The following BTD variants were observed in gnomAD, a reference collection of about 807,000 sequenced individuals.
The protein encoded by BTD is biocytinase.
BTD carries 13 observed loss-of-function variants against 17.7 expected under a neutral mutation model. That is an observed-to-expected ratio of 0.74 (90% confidence interval 0.48 to 1.17). The LOEUF (loss-of-function observed/expected upper bound fraction) is 1.17. BTD is among the 50% of genes most tolerant of loss of function. BTD has a pLI of 0.00. For synonymous variants in BTD, 240 were observed against 245.2 expected (o/e 0.98, Z 0.20); for missense variants, 674 against 650.4 (o/e 1.04, Z -0.39).
chr3:15,674,012 C>T (rs1390634704), intron 3 of BTD, among the ~76,000 whole-genome samples: 3 of 150,774 alleles, frequency 2.0e-5, no homozygotes, highest in East Asian at 1.9e-4. Flanking sequence ...TCTGTCAGCA[C>T]AAAAAATAAA....
chr3:15,674,592 T>C (rs2066743268), intron 3 of BTD, among the ~76,000 whole-genome samples: 1 of 152,196 alleles, frequency 6.6e-6, no homozygotes, highest in Non-Finnish European at 1.5e-5. Flanking sequence ...GGGCTGGAGA[T>C]ATAAATCTGG....
chr3:15,706,782 C>T (rs2071492654), intron 3 of BTD, among the ~76,000 whole-genome samples: 1 of 152,200 alleles, frequency 6.6e-6, no homozygotes, highest in Non-Finnish European at 1.5e-5. Context: ...GATTGCCATT[C>T]TAACTGGTGT....
At chr3:15,634,042 T>G (rs2065280985) in intron 1 of BTD, among the ~76,000 whole-genome samples, 1 of 152,290 alleles carries the variant, frequency 6.6e-6, no homozygotes. Flanking sequence ...GGGAAAGAAA[T>G]AACAGTTTGA....
intron 1 of BTD, among the ~76,000 whole-genome samples, chr3:15,606,042 CA>C (rs11369757): frequency 0.022 from 1,402 of 64,894 alleles, 9 homozygotes; most frequent in African/African-American, 0.066. Context: ...GACCCTGTCT[CA>C]AAAAAAAAAA....
chr3:15,643,452 G>T (rs2065591225), intron 3 of BTD, among the ~76,000 whole-genome samples: 1 of 152,110 alleles, frequency 6.6e-6, no homozygotes, highest in East Asian at 1.9e-4. Context: ...AGTGAGCCAA[G>T]ATTGTGCCAC....
rs181490782 is a variant in BTD, at chr3:15,639,896, G to T, written c.250-2012G>T. On this transcript the variant is annotated intron_variant, in intron 2 of 3. Coordinates refer to ENST00000643237, the MANE Select transcript of BTD (RefSeq NM_001370658.1). ...GGTCCAAAGCGGGCGGATCACTTGAGGTCAGGAGTTTGAGACCAGCCTGAT... is the reference window on the plus strand; with the variant it reads ...GGTCCAAAGCGGGCGGATCACTTGATGTCAGGAGTTTGAGACCAGCCTGAT... Among the ~76,000 whole-genome samples the T allele has an allele frequency of 9.9e-5, 15 of 152,252 alleles. No individual in the cohort carries two copies. In the East Asian group the frequency reaches 2.9e-3, roughly 29 times the overall value.
At chr3:15,669,685 A>C (rs2066172077) in intron 3 of BTD, 1 of 152,564 alleles carries the variant, frequency 6.6e-6, no homozygotes, top group African/African-American at 2.4e-5. Context: ...TAAAAAAAAA[A>C]CAAAACCCAA....
At chr3:15,624,313 A>G (rs1394379938) in intron 1 of BTD, among the ~76,000 whole-genome samples, 4 of 152,046 alleles carry the variant, frequency 2.6e-5, no homozygotes, top group Non-Finnish European at 5.9e-5. Context: ...ATTGCCTCAG[A>G]TATTGCTTCT....
chr3:15,695,102 C>A, intron 3 of BTD: 1 of 1,102,506 alleles, frequency 9.1e-7, no homozygotes, highest in Non-Finnish European at 1.4e-6. Flanking sequence ...ACACTTTCAG[C>A]TCTAATGAGA....
chr3:15,657,582 C>A (rs917682821), downstream of BTD, among the ~76,000 whole-genome samples: 3 of 152,154 alleles, frequency 2.0e-5, no homozygotes, highest in Non-Finnish European at 4.4e-5. Flanking sequence ...ATCATAACTT[C>A]ATGTAATTAT....
chr3:15,643,694 G>A (rs955219596), intron 3 of BTD, among the ~76,000 whole-genome samples: 3 of 151,896 alleles, frequency 2.0e-5, no homozygotes, highest in African/African-American at 7.3e-5. Flanking sequence ...ATTTTCAGTA[G>A]TGGTTGCTTT....
At chr3:15,699,792 G>A (rs375847157) in intron 3 of BTD, among the ~76,000 whole-genome samples, 5 of 152,190 alleles carry the variant, frequency 3.3e-5, no homozygotes, top group Admixed American at 2.6e-4. Flanking sequence ...CAGTGGGAGT[G>A]TAAATTAGTT....
intron 3 of BTD, chr3:15,689,954 AT>A: frequency 7.2e-7 from 1 of 1,382,654 alleles, no homozygotes; most frequent in South Asian, 1.4e-5. Context: ...AATATTATAT[AT>A]CAGAAATTGA....
chr3:15,617,735 A>G (rs115454552), intron 1 of BTD, among the ~76,000 whole-genome samples: 16 of 152,354 alleles, frequency 1.1e-4, no homozygotes, highest in African/African-American at 2.9e-4. Flanking sequence ...AAATAAATAA[A>G]TAAATAAGAC....
chr3:15,713,475 C>A, downstream of BTD: 3 of 1,423,648 alleles, frequency 2.1e-6, no homozygotes, highest in African/African-American at 2.9e-5. Flanking sequence ...CTGCAGTTCA[C>A]TTCCCTTTGT....
chr3:15,668,433 A>C (rs781166755), intron 3 of BTD: 19 of 152,616 alleles, frequency 1.2e-4, no homozygotes, highest in South Asian at 8.3e-4. Context: ...CCTACTACTA[A>C]TAATTAGGAA....
intron 1 of BTD, among the ~76,000 whole-genome samples, chr3:15,605,415 T>C (rs1334357162): frequency 6.6e-6 from 1 of 152,150 alleles, no homozygotes; most frequent in African/African-American, 2.4e-5. Context: ...CCGCTCATGA[T>C]ATGTAGGGAT....
At chr3:15,690,104 A>G in intron 3 of BTD, 4 of 1,612,310 alleles carry the variant, frequency 2.5e-6, no homozygotes, top group Non-Finnish European at 3.4e-6. Flanking sequence ...CCACACATTC[A>G]ACATGGCCCT....
downstream of BTD, among the ~76,000 whole-genome samples, chr3:15,658,425 G>A (rs1227475441): frequency 6.6e-6 from 1 of 152,226 alleles, no homozygotes; most frequent in Admixed American, 6.5e-5. Flanking sequence ...ACAATGGAAC[G>A]TTTGGGTGCC....
Sources: gnomAD v4.1 joint callset for allele counts (sites outside exome capture counted in the v4.1 genomes callset) on GRCh38, gnomAD v4.1.1 for gene constraint, MANE v1.5 for transcripts, NCBI Gene and HGNC (gene_info 2026-07-23, HGNC 2026-07-21) for gene names.